ALOX5: variants seen among roughly 807,000 people sequenced by gnomAD.
The protein encoded by ALOX5 is arachidonate 5-lipoxygenase.
Under a neutral mutation model 87.9 loss-of-function variants are expected in ALOX5, and 64 were observed. The observed-to-expected ratio is 0.73, with a 90% CI of 0.60 to 0.90. ALOX5 has a LOEUF of 0.90. ALOX5 is among the 40% of genes least tolerant of loss of function. The pLI, the probability that ALOX5 is intolerant of heterozygous loss-of-function variation, is 0.00. For missense variants in ALOX5, 822 were observed against 907.5 expected, an observed-to-expected ratio of 0.91 and a Z score of 1.21; for synonymous variants, 388 against 355.1, an observed-to-expected ratio of 1.09 and a Z score of -1.04.
Position 45,374,423 on chromosome 10 carries a change from T to G in ALOX5, c.144T>G (p.Arg48=). 6.4e-7 allele frequency: 1 copy of G among 1,554,622 alleles called. No individual in the cohort carries two copies. Among genetic ancestry groups the G allele is most frequent in the Admixed American group, 2.0e-5 (1 of 48,866 alleles). Residue 48 remains arginine (R), a synonymous_variant, in exon 1 of 14, where the codon CGT becomes CGG. Transcript: ENST00000374391. Reference sequence around the variant, plus strand: ...AGCCCTTCTACAACGACTTCGAGCGTGGCGCGGTGAGCGCGGGCGGGGCAC... The same window carrying G: ...AGCCCTTCTACAACGACTTCGAGCGGGGCGCGGTGAGCGCGGGCGGGGCAC... The part of the protein sequence containing the change: ...LDKPFYNDFE[R]GAVDSYDVTV...
At chr10:45,409,751 G>A (rs1308811804) in intron 3 of ALOX5, among the ~76,000 whole-genome samples, 1 of 152,222 alleles carries the variant, frequency 6.6e-6, no homozygotes, top group Non-Finnish European at 1.5e-5. Flanking sequence ...TAATGTCTGT[G>A]GCCATGCAGG....
At chr10:45,393,614 C>G (rs1202453328) in intron 2 of ALOX5, among the ~76,000 whole-genome samples, 1 of 152,140 alleles carries the variant, frequency 6.6e-6, no homozygotes, top group Non-Finnish European at 1.5e-5. Context: ...GGCAATCAGG[C>G]AGGAGAAAGA....
chr10:45,427,419 C>T (rs1841750486), intron 6 of ALOX5, among the ~76,000 whole-genome samples: 1 of 152,250 alleles, frequency 6.6e-6, no homozygotes, highest in Admixed American at 6.5e-5. Context: ...CCTGCTTCCC[C>T]CGCCCATCGC....
Position 45,441,327 on chromosome 10 carries a change from T to G in ALOX5, c.1186-17T>G, listed in dbSNP as rs1233410551. On this transcript the variant is annotated splice_polypyrimidine_tract_variant and intron_variant, in intron 8 of 13. Transcript: ENST00000374391. ...TGACTGGGCCCCCTCTGAGGCCTCC[T>G]CCTCTCCCCTCCCCAGCTGCTGGTG... 1.2e-6 allele frequency: 2 copies of G among 1,611,990 alleles called. No homozygotes were observed. The highest frequency in any genetic ancestry group is 1.7e-6 in the Non-Finnish European group (2 of 1,178,710).
intron 4 of ALOX5, among the ~76,000 whole-genome samples, chr10:45,417,380 T>G (rs1321899147): frequency 6.6e-6 from 1 of 152,114 alleles, no homozygotes; most frequent in Admixed American, 6.5e-5. Flanking sequence ...TGGATTCCAG[T>G]GTATAGCCAG....
chr10:45,380,989 C>A (rs1298486270), intron 1 of ALOX5, among the ~76,000 whole-genome samples: 2 of 152,242 alleles, frequency 1.3e-5, no homozygotes, highest in Non-Finnish European at 2.9e-5. Context: ...CGGGGCTTTC[C>A]AAACCTGCTG....
intron 2 of ALOX5, among the ~76,000 whole-genome samples, chr10:45,391,940 A>AGGG: frequency 6.6e-6 from 1 of 151,014 alleles, no homozygotes; most frequent in African/African-American, 2.4e-5. Context: ...CCCGTCTGGG[A>AGGG]AGTGAGGAGC....
intron 13 of ALOX5, chr10:45,444,602 G>C (rs1405744163): frequency 2.7e-6 from 1 of 367,972 alleles, no homozygotes; most frequent in East Asian, 4.5e-5. Flanking sequence ...GTACTCCAGA[G>C]GGAATGACCA....
At chr10:45,415,591 G>A (rs1841257199) in intron 4 of ALOX5, among the ~76,000 whole-genome samples, 1 of 147,540 alleles carries the variant, frequency 6.8e-6, no homozygotes, top group Admixed American at 6.7e-5. Context: ...TAAAAAAAAA[G>A]ACATACACGG....
chr10:45,411,705 A>G (rs1270694020), intron 3 of ALOX5, among the ~76,000 whole-genome samples: 3 of 152,198 alleles, frequency 2.0e-5, no homozygotes, highest in Admixed American at 6.5e-5. Flanking sequence ...CCTATTGTGA[A>G]GGCAGAAGAA....
At chr10:45,395,740 C>G in intron 2 of ALOX5, 115 bp from the exon 3 acceptor site, 1 of 810,088 alleles carries the variant, frequency 1.2e-6, no homozygotes, top group Non-Finnish European at 2.1e-6. Flanking sequence ...CAAATGAGGT[C>G]ATGCACATAA....
chr10:45,415,139 T>G (rs1378860637), intron 4 of ALOX5, among the ~76,000 whole-genome samples: 1 of 152,198 alleles, frequency 6.6e-6, no homozygotes, highest in Non-Finnish European at 1.5e-5. Context: ...TGCACACGTA[T>G]GTTTATTGTG....
At chr10:45,374,810 TCTTC>T (rs774924550) in intron 1 of ALOX5, among the ~76,000 whole-genome samples, 22 of 152,190 alleles carry the variant, frequency 1.4e-4, no homozygotes, top group Non-Finnish European at 3.2e-4. Flanking sequence ...TTGTGCCACC[TCTTC>T]CTTAGGCTCC....
rs1267522321 is a variant in ALOX5, at chr10:45,425,673, G to A, written c.834+541G>A. ...CAGACTCAGCTGCCTCCGGCTGCAA[G>A]GCTGACCTAGTCTTGAGACAGAAGA... On this transcript the variant is annotated intron_variant, in intron 6 of 13. Coordinates refer to ENST00000374391, the MANE Select transcript of ALOX5 (RefSeq NM_000698.5). This position sits in a 1 kb window ranked among gnomAD's most constrained non-coding sequence, Gnocchi z 4.4. Among the ~76,000 whole-genome samples the A allele has an allele frequency of 1.3e-5, 2 of 152,172 alleles. No homozygotes were observed. The highest frequency in any genetic ancestry group is 3.9e-4 in the East Asian group (2 of 5,190).
At chr10:45,420,531 G>A (rs1471444942) in intron 4 of ALOX5, among the ~76,000 whole-genome samples, 1 of 152,244 alleles carries the variant, frequency 6.6e-6, no homozygotes, top group African/African-American at 2.4e-5. Context: ...AATCTGGATG[G>A]CTACACTCCC....
At chr10:45,397,703 CAACT>C (rs552937421) in intron 3 of ALOX5, among the ~76,000 whole-genome samples, 130 of 151,734 alleles carry the variant, frequency 8.6e-4, no homozygotes, top group African/African-American at 2.8e-3. Context: ...CATTAACAAC[CAACT>C]ATGTGAAATA....
intron 2 of ALOX5, among the ~76,000 whole-genome samples, chr10:45,386,705 C>T (rs1254624859): frequency 6.6e-6 from 1 of 152,086 alleles, no homozygotes; most frequent in African/African-American, 2.4e-5. Flanking sequence ...TTTTAAAACA[C>T]AATGCTTTAC....
At chr10:45,431,382 C>T (rs1171125005) in intron 7 of ALOX5, among the ~76,000 whole-genome samples, 1 of 151,790 alleles carries the variant, frequency 6.6e-6, no homozygotes, top group African/African-American at 2.4e-5. Flanking sequence ...TCTGGTAATG[C>T]TATGGTAGAC....
chr10:45,417,870 T>TG (rs1397257732), intron 4 of ALOX5, among the ~76,000 whole-genome samples: 1 of 152,016 alleles, frequency 6.6e-6, no homozygotes, highest in African/African-American at 2.4e-5. Flanking sequence ...AAGACATGGG[T>TG]GAGGGGCCCC....
Sources: gnomAD v4.1 joint callset for allele counts (sites outside exome capture counted in the v4.1 genomes callset) on GRCh38, gnomAD v4.1.1 for gene constraint, Gnocchi (gnomAD v3.1) non-coding constraint, MANE v1.5 for transcripts, NCBI Gene and HGNC (gene_info 2026-07-23, HGNC 2026-07-21) for gene names.